BICD1: variants seen among roughly 807,000 people sequenced by gnomAD.
BICD1 encodes the protein BICD cargo adaptor 1.
BICD1 carries 35 observed loss-of-function variants against 92.5 expected under a neutral mutation model. The ratio of observed to expected loss-of-function variants is 0.38; its 90% CI spans 0.29 to 0.50. The LOEUF is 0.50. Among genes scored for constraint, BICD1 ranks in the 20% least tolerant of loss-of-function variants. The pLI is 0.93. For missense variants in BICD1, 950 were observed against 1,189.8 expected (o/e 0.80, Z 2.97); for synonymous variants, 429 against 465.1 (o/e 0.92, Z 1.00).
Position 32,107,256 on chromosome 12 carries a change from C to T in BICD1, c.-76C>T. 1.5e-6 allele frequency: 2 copies of T among 1,348,628 alleles called. No homozygotes were observed. The highest frequency in any genetic ancestry group is 2.0e-6 in the Non-Finnish European group (2 of 979,422). 83.5% of individuals were successfully genotyped at this position (1,348,628 alleles called of 1,614,324 possible). A position where few individuals can be genotyped will look rare whatever the true frequency, so the allele number is the denominator to read the frequency against. ...GTTTCCACCCATCCCTTCCCATTTC[C>T]TTCTCCCTTTCCCCGCCAGCTTCGC... On this transcript the variant is annotated 5_prime_UTR_variant, in exon 1 of 10. Coordinates refer to ENST00000652176, the MANE Select transcript of BICD1 (RefSeq NM_001714.4).
At chr12:32,127,452 A>G (rs967774086) in intron 1 of BICD1, among the ~76,000 whole-genome samples, 2 of 152,100 alleles carry the variant, frequency 1.3e-5, no homozygotes, top group Non-Finnish European at 2.9e-5. Context: ...CTAATTTCCA[A>G]TGTGTGTTTT....
chr12:32,116,506 C>CTATATATATATATATA (rs1269090621), intron 1 of BICD1, among the ~76,000 whole-genome samples: 2 of 86,920 alleles, frequency 2.3e-5, no homozygotes, highest in Non-Finnish European at 4.6e-5. Context: ...CTCTCTCTCT[C>CTATATATATATATATA]TCTCTATATA....
At chr12:32,162,236 A>G (rs1388789706) in intron 1 of BICD1, among the ~76,000 whole-genome samples, 3 of 152,236 alleles carry the variant, frequency 2.0e-5, no homozygotes, top group Admixed American at 2.0e-4. Flanking sequence ...TGCAGGTTTT[A>G]ATATTCCAGC....
chr12:32,339,720 G>T, intron 8 of BICD1: 4 of 985,246 alleles, frequency 4.1e-6, no homozygotes, highest in Non-Finnish European at 4.8e-6. Flanking sequence ...GTGAGTATAG[G>T]GCAGAAGTGG....
intron 3 of BICD1, among the ~76,000 whole-genome samples, chr12:32,297,272 ATC>A (rs1191173819): frequency 2.6e-5 from 4 of 152,086 alleles, no homozygotes; most frequent in Admixed American, 6.6e-5. Context: ...CAGTGGCTTA[ATC>A]TCGGCTCACT....
At chr12:32,150,862 C>G (rs1456820605) in intron 1 of BICD1, among the ~76,000 whole-genome samples, 4 of 152,148 alleles carry the variant, frequency 2.6e-5, no homozygotes, top group Non-Finnish European at 2.9e-5. Flanking sequence ...GTAAAGAAGG[C>G]ACGTGAGACT....
intron 1 of BICD1, among the ~76,000 whole-genome samples, chr12:32,120,999 C>T (rs1942128921): frequency 1.5e-5 from 2 of 133,204 alleles, no homozygotes; most frequent in South Asian, 2.3e-4. Flanking sequence ...GACGGAGTCT[C>T]GCGCTATTGC....
intron 8 of BICD1, chr12:32,353,754 C>A (rs1938988166): frequency 6.6e-6 from 1 of 152,124 alleles, no homozygotes; most frequent in African/African-American, 2.4e-5. Context: ...TCAATTCTGA[C>A]ATTTCAAAGG....
intron 8 of BICD1, chr12:32,353,523 CAGA>C (rs1167042035): frequency 2.0e-5 from 3 of 150,636 alleles, no homozygotes; most frequent in Admixed American, 6.6e-5. Context: ...CATTGATTTA[CAGA>C]AGAAGATGCC....
At chr12:32,248,543 G>A (rs943244549) in intron 2 of BICD1, among the ~76,000 whole-genome samples, 3 of 152,180 alleles carry the variant, frequency 2.0e-5, no homozygotes, top group Admixed American at 2.0e-4. Flanking sequence ...TGAAGTCCTT[G>A]AGCAGTGAGA....
chr12:32,351,589 G>C (rs1231360834), intron 8 of BICD1, among the ~76,000 whole-genome samples: 1 of 149,078 alleles, frequency 6.7e-6, no homozygotes, highest in Non-Finnish European at 1.5e-5. Context: ...GAATGATCTA[G>C]AGCAGGACTG....
intron 2 of BICD1, among the ~76,000 whole-genome samples, chr12:32,248,830 G>A (rs1946455210): frequency 6.6e-6 from 1 of 152,174 alleles, no homozygotes; most frequent in African/African-American, 2.4e-5. Context: ...GCAGGTTGTT[G>A]GCTGCCCCCT....
intron 2 of BICD1, among the ~76,000 whole-genome samples, chr12:32,275,669 C>T (rs577808623): frequency 2.0e-5 from 3 of 152,080 alleles, no homozygotes; most frequent in South Asian, 2.1e-4. Flanking sequence ...TTGCCACTGT[C>T]GCAGACCCGC....
Position 32,377,910 on chromosome 12 carries a change from T to C in BICD1, c.*283T>C. The C allele has an allele frequency of 3.2e-6, 1 of 316,996 alleles. No individual in the cohort carries two copies. The highest frequency in any genetic ancestry group is 5.9e-6 in the Non-Finnish European group (1 of 168,336). 19.6% of individuals were successfully genotyped at this position (316,996 alleles called of 1,614,324 possible). On this transcript the variant is annotated 3_prime_UTR_variant, in exon 10 of 10. Coordinates refer to ENST00000652176, the MANE Select transcript of BICD1 (RefSeq NM_001714.4). ...AGAAAAAAGAAACAGAAAACGTGTC[T>C]CAGATGGCTGGCTTTACCTCGATAG...
intron 2 of BICD1, among the ~76,000 whole-genome samples, chr12:32,281,053 A>C (rs1015413282): frequency 6.7e-6 from 1 of 149,736 alleles, no homozygotes; most frequent in Non-Finnish European, 1.5e-5. Flanking sequence ...TTAACCTAAT[A>C]TTTCCCAAAC....
At chr12:32,354,877 C>T (rs904075470) in intron 8 of BICD1, among the ~76,000 whole-genome samples, 12 of 151,780 alleles carry the variant, frequency 7.9e-5, no homozygotes, top group African/African-American at 2.9e-4. Context: ...TCAGTTTTTC[C>T]TTATTATTTC....
rs1055875 is a variant in BICD1, at chr12:32,383,253, C to T, written c.*5626C>T. ...AAGTGTTTCCACCTACTGATAAATA[C>T]CATATGAAAACACGACTAAAAGACT... On this transcript the variant is annotated 3_prime_UTR_variant, in exon 10 of 10. Transcript: ENST00000652176. 3 of 151,870 alleles carry T rather than the reference C, an allele frequency of 2.0e-5. No individual in the cohort carries two copies. The highest frequency in any genetic ancestry group is 7.3e-5 in the African/African-American group (3 of 41,378). The allele number at this position is 151,870 out of a possible 1,614,324, so 9.4% of individuals were successfully genotyped here.
intron 2 of BICD1, among the ~76,000 whole-genome samples, chr12:32,276,959 T>G (rs58801621): frequency 0.085 from 10,359 of 121,758 alleles, 403 homozygotes; most frequent in South Asian, 0.17. Context: ...TTTCAAACAT[T>G]CTTTCTCATT....
intron 1 of BICD1, among the ~76,000 whole-genome samples, chr12:32,183,893 G>T (rs1406433327): frequency 6.6e-6 from 1 of 152,100 alleles, no homozygotes; most frequent in Non-Finnish European, 1.5e-5. Context: ...CTAGGGGGAG[G>T]GTGCTAAGCA....
Sources: gnomAD v4.1 joint callset for allele counts (sites outside exome capture counted in the v4.1 genomes callset) on GRCh38, gnomAD v4.1.1 for gene constraint, MANE v1.5 for transcripts, NCBI Gene and HGNC (gene_info 2026-07-23, HGNC 2026-07-21) for gene names.